The following SLC25A30 variants were observed in gnomAD, a reference collection of about 807,000 sequenced individuals.
The protein encoded by SLC25A30 is kidney mitochondrial carrier protein 1.
SLC25A30 carries 29 observed loss-of-function variants against 42.7 expected under a neutral mutation model. The observed-to-expected ratio is 0.68, with a 90% confidence interval of 0.51 to 0.93. SLC25A30 has a LOEUF of 0.93. Ranked by LOEUF, SLC25A30 falls within the 40% of genes least tolerant of loss-of-function variation. The probability of loss-of-function intolerance (pLI) is 0.00; values close to 1 mark genes in which losing one functional copy is unlikely to be tolerated. For missense variants in SLC25A30, 300 were observed against 359.7 expected, an observed-to-expected ratio of 0.83 and a Z score of 1.34; for synonymous variants, 124 against 131.0, an observed-to-expected ratio of 0.95 and a Z score of 0.37.
upstream of SLC25A30, among the ~76,000 whole-genome samples, chr13:45,418,999 C>T (rs1326504897): frequency 1.4e-4 from 15 of 104,482 alleles, no homozygotes; most frequent in Admixed American, 4.0e-4. Flanking sequence ...GACCTGGTGG[C>T]GGGTGCCTGT....
intron 7 of SLC25A30, 42 bp downstream of exon 7, chr13:45,401,040 CT>C (rs1452967253): frequency 1.3e-6 from 2 of 1,506,642 alleles, no homozygotes; most frequent in African/African-American, 2.8e-5. Context: ...AATAAACTTT[CT>C]TTAGAATTTC....
the SLC25A30 span, among the ~76,000 whole-genome samples, chr13:45,425,419 A>T: frequency 8.9e-6 from 1 of 112,980 alleles, no homozygotes; most frequent in Non-Finnish European, 1.6e-5. Context: ...TAAATATATA[A>T]GTATATATAA....
At chr13:45,433,521 G>A in the SLC25A30 span, among the ~76,000 whole-genome samples, 1 of 152,204 alleles carries the variant, frequency 6.6e-6, no homozygotes, top group Admixed American at 6.5e-5. Context: ...ATTACCCTGT[G>A]AGGGCTGTGT....
rs146578343 is a variant in SLC25A30, at chr13:45,395,161, C to T, written c.*813G>A. ...TCATTTGACCCTCTACATCAATAGA[C>T]GTTATTATCCCCATTTTACTCATTG... On this transcript the variant is annotated 3_prime_UTR_variant, in exon 10 of 10. Coordinates refer to ENST00000519676, the MANE Select transcript of SLC25A30 (RefSeq NM_001010875.4). 490 of 984,912 alleles carry T rather than the reference C, an allele frequency of 5.0e-4. 1 individual carries two copies. Among genetic ancestry groups the T allele is most frequent in the Non-Finnish European group, 5.7e-4 (472 of 829,450 alleles). 61.0% of individuals were successfully genotyped at this position (984,912 alleles called of 1,614,324 possible).
intron 3 of SLC25A30, among the ~76,000 whole-genome samples, chr13:45,406,543 C>T (rs536489031): frequency 3.9e-5 from 6 of 152,120 alleles, no homozygotes; most frequent in Non-Finnish European, 8.8e-5. Flanking sequence ...TTCCTCCATC[C>T]GATATGCCTG....
intron 5 of SLC25A30, chr13:45,402,822 C>CA (rs1289535152): frequency 2.0e-6 from 2 of 985,310 alleles, no homozygotes; most frequent in East Asian, 2.3e-4. Context: ...CTACAGTCTC[C>CA]AGCCAGCTGA....
At chr13:45,406,087 A>AT in intron 3 of SLC25A30, 110 bp from the exon 4 acceptor site, 14 of 932,600 alleles carry the variant, frequency 1.5e-5, no homozygotes, top group African/African-American at 2.0e-5. Context: ...TCTCTAAAAC[A>AT]ATTTTTTTTT....
the SLC25A30 span, among the ~76,000 whole-genome samples, chr13:45,429,257 C>CG: frequency 1.3e-5 from 2 of 151,172 alleles, no homozygotes; most frequent in Non-Finnish European, 2.9e-5. Flanking sequence ...TTAGTAGAGA[C>CG]GGGGTTTCAC....
At chr13:45,425,609 C>T in the SLC25A30 span, among the ~76,000 whole-genome samples, 116 of 27,056 alleles carry the variant, frequency 4.3e-3, 7 homozygotes, top group African/African-American at 0.014. Context: ...TATATATATA[C>T]ATATATAAAT....
the SLC25A30 span, among the ~76,000 whole-genome samples, chr13:45,433,458 G>T: frequency 6.6e-6 from 1 of 152,156 alleles, no homozygotes; most frequent in Non-Finnish European, 1.5e-5. Flanking sequence ...AATAACCAAG[G>T]AGAGCAAAGC....
chr13:45,429,056 CTTTTTTTTTTTTTTTTT>C, the SLC25A30 span, among the ~76,000 whole-genome samples: 3 of 93,856 alleles, frequency 3.2e-5, no homozygotes, highest in Admixed American at 1.3e-4. Flanking sequence ...TGTGCAAGCT[CTTTTTTTTTTTTTTTTT>C]TTTTTTTTTT....
intron 5 of SLC25A30, chr13:45,402,826 C>T (rs1882130113): frequency 1.0e-6 from 1 of 985,410 alleles, no homozygotes; most frequent in African/African-American, 1.7e-5. Flanking sequence ...AGTCTCCAGC[C>T]AGCTGAACCA....
chr13:45,399,050 C>T lies in SLC25A30; in HGVS notation c.643G>A (p.Ala215Thr), dbSNP rs761837318. ...LSSFTCGLAG[A>T]LASNPVDVVR... Reference sequence around the variant, plus strand: ...ACATCAACAGGGTTTGAGGCCAGGGCCCCTGCCAGACCACAGGTGAAGCTT... The same window carrying T: ...ACATCAACAGGGTTTGAGGCCAGGGTCCCTGCCAGACCACAGGTGAAGCTT... Residue 215 changes from alanine (A) to threonine (T), a missense_variant, in exon 8 of 10, where the codon GCC becomes ACC. Transcript: ENST00000519676. The T allele has an allele frequency of 1.2e-6, 2 of 1,612,128 alleles. No homozygotes were observed. Among genetic ancestry groups the T allele is most frequent in the Admixed American group, 1.7e-5 (1 of 59,532 alleles).
chr13:45,409,491 C>T (rs918365393), intron 2 of SLC25A30, among the ~76,000 whole-genome samples: 2 of 131,214 alleles, frequency 1.5e-5, no homozygotes, highest in African/African-American at 5.2e-5. Context: ...AGTGGTTTTC[C>T]ACTTGGGAGA....
At chr13:45,426,288 T>C in the SLC25A30 span, among the ~76,000 whole-genome samples, 1 of 151,900 alleles carries the variant, frequency 6.6e-6, no homozygotes, top group African/African-American at 2.4e-5. Context: ...GGTTTCACCA[T>C]GTTGGCTAGG....
chr13:45,423,469 C>A, the SLC25A30 span, among the ~76,000 whole-genome samples: 2 of 138,284 alleles, frequency 1.4e-5, no homozygotes, highest in Non-Finnish European at 3.0e-5. Context: ...ACCAATTTAT[C>A]CAGTAGCCTG....
intron 1 of SLC25A30, chr13:45,411,930 A>T (rs1470800804): frequency 6.8e-6 from 1 of 146,788 alleles, no homozygotes; most frequent in Non-Finnish European, 1.5e-5. Context: ...TGGGCAACAC[A>T]GTAACACCCT....
intron 8 of SLC25A30, chr13:45,397,599 G>A: frequency 3.5e-6 from 1 of 285,270 alleles, no homozygotes; most frequent in Non-Finnish European, 6.6e-6. Context: ...GGGAGGCTGA[G>A]GCAGGAGAAT....
At chr13:45,422,737 T>C (rs1030326189), upstream of SLC25A30, among the ~76,000 whole-genome samples, 1 of 152,132 alleles carries the variant, frequency 6.6e-6, no homozygotes, top group African/African-American at 2.4e-5. Flanking sequence ...AGGTGCTTTG[T>C]TGAGAATGCA....
Sources: gnomAD v4.1 joint callset for allele counts (sites outside exome capture counted in the v4.1 genomes callset) on GRCh38, gnomAD v4.1.1 for gene constraint, MANE v1.5 for transcripts, NCBI Gene and HGNC (gene_info 2026-07-23, HGNC 2026-07-21) for gene names.